ANTXRL: variants seen among roughly 807,000 people sequenced by gnomAD.
The protein encoded by ANTXRL is ANTXR like.
A neutral mutation model predicts 75.4 loss-of-function variants in ANTXRL; 63 were observed. The observed-to-expected ratio is 0.84, with a 90% CI of 0.68 to 1.03. ANTXRL has a LOEUF of 1.03. Ranked by LOEUF, ANTXRL falls within the 50% of genes least tolerant of loss-of-function variation. The pLI is 0.00. For missense variants in ANTXRL, 797 were observed against 789.4 expected, an observed-to-expected ratio of 1.01 and a Z score of -0.12; for synonymous variants, 335 against 291.3, an observed-to-expected ratio of 1.15 and a Z score of -1.53.
intron 7 of ANTXRL, 112 bp downstream of exon 7, chr10:46,297,586 G>A (rs1837459013): frequency 9.2e-7 from 1 of 1,090,400 alleles, no homozygotes; most frequent in Non-Finnish European, 1.3e-6. Context: ...AGTGAGTTGG[G>A]CCAACTCATG....
At chr10:46,296,808 G>T (rs1554958880) in intron 5 of ANTXRL, among the ~76,000 whole-genome samples, 1 of 152,152 alleles carries the variant, frequency 6.6e-6, no homozygotes, top group Non-Finnish European at 1.5e-5. Flanking sequence ...CGGCAGGGCT[G>T]CCTGCAGGCT....
Position 46,296,381 on chromosome 10 carries a change from C to T in ANTXRL, c.508+129C>T, listed in dbSNP as rs1355125019. Reference sequence around the variant, plus strand: ...CCTCTTGGAGCAAGTTGCTCACCTGCTCTGAGCTCCAGGTCCCTCCCTGGT... The same window carrying T: ...CCTCTTGGAGCAAGTTGCTCACCTGTTCTGAGCTCCAGGTCCCTCCCTGGT... On this transcript the variant is annotated intron_variant, in intron 5 of 16. Coordinates refer to ENST00000620264, the MANE Select transcript of ANTXRL (RefSeq NM_001278688.3). 1.8e-5 allele frequency: 18 copies of T among 1,010,344 alleles called. 1 individual carries two copies. Among genetic ancestry groups the T allele is most frequent in the South Asian group, 1.3e-4 (9 of 67,542 alleles). The allele number at this position is 1,010,344 out of a possible 1,614,324, so 62.6% of individuals were successfully genotyped here.
chr10:46,318,908 T>A (rs541763321), intron 16 of ANTXRL, among the ~76,000 whole-genome samples: 1 of 152,122 alleles, frequency 6.6e-6, no homozygotes, highest in South Asian at 2.1e-4. Context: ...CAGATAAGAT[T>A]TTGGAACAGA....
At chr10:46,327,932 G>A (rs1363424668) in intron 16 of ANTXRL, among the ~76,000 whole-genome samples, 11 of 152,156 alleles carry the variant, frequency 7.2e-5, no homozygotes, top group Non-Finnish European at 1.3e-4. Flanking sequence ...CATCATCAGC[G>A]CCACATCACA....
chr10:46,309,623 G>C (rs1838303359), intron 13 of ANTXRL, among the ~76,000 whole-genome samples: 1 of 152,216 alleles, frequency 6.6e-6, no homozygotes, highest in Admixed American at 6.5e-5. Context: ...CCAAATGGAG[G>C]ACGCTGTAAC....
rs144151157 is a variant in ANTXRL, at chr10:46,310,357, G to A, written c.1135-104G>A. 1,015 of 1,101,196 alleles carry A rather than the reference G, an allele frequency of 9.2e-4. 3 individuals are homozygous for A. Among genetic ancestry groups the A allele is most frequent in the Non-Finnish European group, 1.2e-3 (936 of 751,420 alleles). The allele number at this position is 1,101,196 out of a possible 1,614,324, so 68.2% of individuals were successfully genotyped here. ...GCCAGAGTGACACCCCAAAGGCAGT[G>A]CTCTGTCCTGGTGCTCCAGGCCAGG... is the stretch of plus-strand genomic sequence containing the variant. On this transcript the variant is annotated intron_variant, in intron 13 of 16. Transcript: ENST00000620264.
At chr10:46,322,340 C>A (rs1839019464) in intron 16 of ANTXRL, among the ~76,000 whole-genome samples, 1 of 151,908 alleles carries the variant, frequency 6.6e-6, no homozygotes. Context: ...TGCCTGTAGT[C>A]CCAGCTACTT....
intron 12 of ANTXRL, among the ~76,000 whole-genome samples, chr10:46,308,046 C>G (rs1227272594): frequency 5.3e-5 from 8 of 152,172 alleles, no homozygotes; most frequent in Non-Finnish European, 1.0e-4. Flanking sequence ...CTCTTCAGAG[C>G]TCCATGTCTT....
chr10:46,313,148 C>G (rs1361144403), intron 15 of ANTXRL, 88 bp from the exon 16 acceptor site: 4 of 1,207,986 alleles, frequency 3.3e-6, no homozygotes, highest in Non-Finnish European at 4.7e-6. Context: ...TTCCTGGGCA[C>G]AGAGCTGTGG....
chr10:46,293,345 CGTGCATGTGT>C (rs531509124), intron 2 of ANTXRL, among the ~76,000 whole-genome samples: 165 of 112,612 alleles, frequency 1.5e-3, no homozygotes, highest in African/African-American at 5.6e-3. Context: ...TGCGTGTGTG[CGTGCATGTGT>C]GTGCATGTGA....
intron 16 of ANTXRL, among the ~76,000 whole-genome samples, chr10:46,329,052 G>A (rs1554966986): frequency 1.3e-5 from 2 of 152,190 alleles, no homozygotes; most frequent in African/African-American, 2.4e-5. Context: ...TGTGGGTGGT[G>A]CCTGGCTACA....
chr10:46,288,385 C>T (rs1481402880), intron 1 of ANTXRL, among the ~76,000 whole-genome samples: 1 of 152,042 alleles, frequency 6.6e-6, no homozygotes, highest in Non-Finnish European at 1.5e-5. Flanking sequence ...GGGAAGCATC[C>T]AGAGACAGCT....
At chr10:46,313,124 T>C in intron 15 of ANTXRL, 112 bp from the exon 16 acceptor site, 1 of 975,758 alleles carries the variant, frequency 1.0e-6, no homozygotes, top group Non-Finnish European at 1.6e-6. Context: ...GGATGGGAGC[T>C]TTGTCTGGGT....
At chr10:46,287,911 A>G (rs1159305971) in intron 1 of ANTXRL, among the ~76,000 whole-genome samples, 1 of 151,982 alleles carries the variant, frequency 6.6e-6, no homozygotes, top group African/African-American at 2.4e-5. Flanking sequence ...AATGACTTCT[A>G]TTTTACTGGG....
chr10:46,293,939 G>C, intron 3 of ANTXRL, 39 bp downstream of exon 3: 3 of 1,526,610 alleles, frequency 2.0e-6, no homozygotes, highest in Non-Finnish European at 2.6e-6. Context: ...GGCCTGATGA[G>C]CTTGGCCAGA....
chr10:46,308,401 TTCCC>T, intron 12 of ANTXRL: 2 of 143,408 alleles, frequency 1.4e-5, no homozygotes, highest in Non-Finnish European at 2.7e-5. Flanking sequence ...CCCCTGCCCC[TTCCC>T]TCCCCTCCCC....
intron 5 of ANTXRL, 73 bp from the exon 6 acceptor site, chr10:46,297,179 C>T (rs1332245948): frequency 7.9e-6 from 10 of 1,273,672 alleles, no homozygotes; most frequent in African/African-American, 1.5e-5. Context: ...CAGCCATCTG[C>T]AGGGGTTCCG....
intron 14 of ANTXRL, among the ~76,000 whole-genome samples, chr10:46,310,790 A>G (rs1427373458): frequency 1.3e-5 from 2 of 152,062 alleles, no homozygotes; most frequent in Non-Finnish European, 2.9e-5. Context: ...TCTGTCAAGG[A>G]CCTTTTGTAA....
At chr10:46,314,510 G>C (rs1259869545) in intron 16 of ANTXRL, among the ~76,000 whole-genome samples, 2 of 152,064 alleles carry the variant, frequency 1.3e-5, no homozygotes, top group Non-Finnish European at 2.9e-5. Flanking sequence ...AAAGGCAAGA[G>C]GTGGGAAGGT....
Sources: gnomAD v4.1 joint callset for allele counts (sites outside exome capture counted in the v4.1 genomes callset) on GRCh38, gnomAD v4.1.1 for gene constraint, MANE v1.5 for transcripts, NCBI Gene and HGNC (gene_info 2026-07-23, HGNC 2026-07-21) for gene names.